Variants in EDN3 observed in about 807,000 individuals in gnomAD.
EDN3 encodes the protein endothelin-3.
In EDN3, 9 loss-of-function variants were observed where a neutral mutation model predicts 21.4. The ratio of observed to expected loss-of-function variants is 0.42; its 90% CI spans 0.25 to 0.73. The LOEUF (loss-of-function observed/expected upper bound fraction) is 0.73, where lower values mean the gene tolerates loss of function less well. EDN3 is among the 30% of genes least tolerant of loss of function. The pLI, the probability that EDN3 is intolerant of heterozygous loss-of-function variation, is 0.26. For synonymous variants in EDN3, 133 were observed against 126.2 expected (o/e 1.05, Z -0.36); for missense variants, 327 against 309.4 (o/e 1.06, Z -0.43).
chr20:59,311,050 T>G (rs1204349663), intron 2 of EDN3, among the ~76,000 whole-genome samples: 1 of 151,472 alleles, frequency 6.6e-6, no homozygotes, highest in Non-Finnish European at 1.5e-5. Context: ...CCAAAATGAG[T>G]GCAAAAAAAA....
At chr20:59,308,219 C>T (rs375331405) in intron 2 of EDN3, among the ~76,000 whole-genome samples, 322 of 152,212 alleles carry the variant, frequency 2.1e-3, no homozygotes, top group African/African-American at 6.5e-3. Context: ...TGAGTCTAGG[C>T]GAGAGGGCGA....
intron 2 of EDN3, among the ~76,000 whole-genome samples, chr20:59,317,404 C>A (rs147121264): frequency 1.3e-5 from 2 of 152,336 alleles, no homozygotes; most frequent in Admixed American, 1.3e-4. Flanking sequence ...AGATAAATAA[C>A]AATAGTAGCT....
intron 2 of EDN3, among the ~76,000 whole-genome samples, chr20:59,304,288 C>G (rs1989245196): frequency 1.3e-5 from 2 of 152,194 alleles, no homozygotes; most frequent in Non-Finnish European, 2.9e-5. Context: ...AAAAGAGGCA[C>G]TGGAAGTGAG....
chr20:59,308,330 C>T (rs1295768310), intron 2 of EDN3, among the ~76,000 whole-genome samples: 4 of 152,278 alleles, frequency 2.6e-5, no homozygotes, highest in Admixed American at 6.5e-5. Flanking sequence ...GGTGTGGTTA[C>T]GGGAGCAGGG....
chr20:59,311,993 T>G (rs1317025338), intron 2 of EDN3, among the ~76,000 whole-genome samples: 1 of 152,170 alleles, frequency 6.6e-6, no homozygotes, highest in Non-Finnish European at 1.5e-5. Context: ...TGTCTTCTCT[T>G]GCTTTCTTTA....
chr20:59,309,728 T>C (rs553164840), intron 2 of EDN3, among the ~76,000 whole-genome samples: 3 of 152,274 alleles, frequency 2.0e-5, no homozygotes, highest in East Asian at 1.9e-4. Flanking sequence ...TTCTTTAAAA[T>C]TGGGGAGACT....
At chr20:59,324,099 G>A (rs904744597) in intron 4 of EDN3, among the ~76,000 whole-genome samples, 3 of 152,192 alleles carry the variant, frequency 2.0e-5, no homozygotes, top group Non-Finnish European at 4.4e-5. Flanking sequence ...CTGCGGGAGG[G>A]CCCCTAGCAG....
intron 2 of EDN3, among the ~76,000 whole-genome samples, chr20:59,310,411 C>CAGCCA (rs1426283334): frequency 6.6e-6 from 1 of 152,224 alleles, no homozygotes; most frequent in Non-Finnish European, 1.5e-5. Context: ...TGAGTACAGA[C>CAGCCA]AGCCACATGT....
At position 59,321,137 on chromosome 20, in the gene EDN3, G is replaced by T. The variant is rs372385465; in HGVS notation, c.486G>T (p.Val162=). The T allele has an allele frequency of 1.2e-6, 2 of 1,614,244 alleles. No homozygotes were observed. Among genetic ancestry groups the T allele is most frequent in the Admixed American group, 1.7e-5 (1 of 60,028 alleles). ...GGCCACACTTGCGCTGCGCTTGTGT[G>T]GGGAGATATGACAAGGCCTGCCTGC... ...SHRPHLRCAC[V]GRYDKACLHF... is the part of the protein sequence containing the mutation. The change falls in exon 3 of 5, where the codon GTG becomes GTT. Residue 162 remains valine, a synonymous_variant. Transcript: ENST00000337938.
intron 1 of EDN3, 34 bp from the exon 2 acceptor site, chr20:59,301,376 T>C: frequency 1.2e-6 from 2 of 1,600,870 alleles, no homozygotes; most frequent in Non-Finnish European, 1.7e-6. Context: ...GTCTGCACAC[T>C]CAGCTTAGGA....
chr20:59,318,422 G>A (rs747314579), intron 2 of EDN3, among the ~76,000 whole-genome samples: 6 of 152,296 alleles, frequency 3.9e-5, no homozygotes, highest in Admixed American at 6.5e-5. Flanking sequence ...ACACTTTTTC[G>A]TTTCAGGGCT....
At chr20:59,307,618 G>T (rs1314803017) in intron 2 of EDN3, among the ~76,000 whole-genome samples, 2 of 152,200 alleles carry the variant, frequency 1.3e-5, no homozygotes, top group Admixed American at 1.3e-4. Flanking sequence ...AGTATTGAAT[G>T]GGGCTCTGGG....
intron 2 of EDN3, among the ~76,000 whole-genome samples, chr20:59,310,095 C>T (rs1336865657): frequency 1.3e-5 from 2 of 152,150 alleles, no homozygotes; most frequent in South Asian, 4.2e-4. Context: ...ATGTTTGTTC[C>T]TGCAAGAATT....
At position 59,300,789 on chromosome 20, in the gene EDN3, T is replaced by A. The variant is rs1600715391; in HGVS notation, c.-24T>A. 4 of 1,605,334 alleles carry A rather than the reference T, an allele frequency of 2.5e-6. No homozygotes were observed. The highest frequency in any genetic ancestry group is 2.7e-5 in the African/African-American group (2 of 74,830). On this transcript the variant is annotated 5_prime_UTR_variant, in exon 1 of 5. Coordinates refer to ENST00000337938, the MANE Select transcript of EDN3 (RefSeq NM_207034.3). Reference sequence around the variant, plus strand: ...ACAAGCGGCCGTCCTCCTGGTCCGGTGCTCCGGCGCCTGATCTAGGTTCAT... The same window carrying A: ...ACAAGCGGCCGTCCTCCTGGTCCGGAGCTCCGGCGCCTGATCTAGGTTCAT...
intron 2 of EDN3, 72 bp from the exon 3 acceptor site, chr20:59,320,945 C>G: frequency 6.4e-7 from 1 of 1,556,128 alleles, no homozygotes; most frequent in South Asian, 1.1e-5. Flanking sequence ...GTGGTTCTCG[C>G]TCCACACCCT....
Position 59,322,453 on chromosome 20 carries a change from G to A in EDN3, c.588+36G>A, listed in dbSNP as rs1446273893. 4 of 1,613,814 alleles carry A rather than the reference G, an allele frequency of 2.5e-6. No individual in the cohort carries two copies. The highest frequency in any genetic ancestry group is 4.5e-5 in the East Asian group (2 of 44,894). On this transcript the variant is annotated intron_variant, in intron 4 of 4. Coordinates refer to ENST00000337938, the MANE Select transcript of EDN3 (RefSeq NM_207034.3). This position sits in a 1 kb window ranked among gnomAD's most constrained non-coding sequence, Gnocchi z 4.1. ...CCAACAGAGGCCTGTGTCAAAGGAG[G>A]TGAAGATGTGACGTGTCATTCCTTC...
Position 59,300,975 on chromosome 20 carries a change from C to T in EDN3, c.52+111C>T, listed in dbSNP as rs1427104297. ...TGCGTCGCGGGGAGCAAACTCTTGC[C>T]TGGGCTCTGCACTCGTGAAGACGCC... is the stretch of plus-strand genomic sequence containing the variant. On this transcript the variant is annotated intron_variant, in intron 1 of 4. Transcript: ENST00000337938. 3.1e-6 allele frequency: 4 copies of T among 1,310,022 alleles called. No individual in the cohort carries two copies. In the African/African-American group the frequency reaches 5.8e-5, roughly 19 times the overall value. 81.1% of individuals were successfully genotyped at this position (1,310,022 alleles called of 1,614,324 possible). A position where few individuals can be genotyped will look rare whatever the true frequency, so the allele number is the denominator to read the frequency against.
At chr20:59,306,594 G>GAA (rs1989430275) in intron 2 of EDN3, among the ~76,000 whole-genome samples, 4 of 28,646 alleles carry the variant, frequency 1.4e-4, no homozygotes, top group Admixed American at 3.8e-4. Context: ...TGCATAAAGA[G>GAA]TAAAAAAAAA....
rs1056166329 is a variant in EDN3 at position 59,324,687 on chromosome 20, C to T, written c.*228C>T. On this transcript the variant is annotated 3_prime_UTR_variant, in exon 5 of 5. Transcript: ENST00000337938. ...ATCCCAGATGTGCCCCAGAGCATGA[C>T]GCCTGCAGCTCCGGTTTCATGCAGG... 15 of 600,478 alleles carry T rather than the reference C, an allele frequency of 2.5e-5. No homozygotes were observed. Among genetic ancestry groups the T allele is most frequent in the South Asian group, 4.1e-5 (2 of 49,314 alleles). 37.2% of individuals were successfully genotyped at this position (600,478 alleles called of 1,614,324 possible). A position where few individuals can be genotyped will look rare whatever the true frequency, so the allele number is the denominator to read the frequency against.
Sources: allele counts gnomAD v4.1 joint callset (sites outside exome capture counted in the v4.1 genomes callset), GRCh38; gene constraint gnomAD v4.1.1; non-coding constraint Gnocchi (gnomAD v3.1); transcripts MANE v1.5; gene names NCBI Gene and HGNC (gene_info 2026-07-23, HGNC 2026-07-21).